ZNF662: variants seen among roughly 807,000 people sequenced by gnomAD.
ZNF662 encodes the protein zinc finger protein 662.
ZNF662 carries 14 observed loss-of-function variants against 12.4 expected under a neutral mutation model. The observed-to-expected ratio is 1.13, with a 90% CI of 0.75 to 1.77. The LOEUF is 1.77. Ranked by LOEUF, ZNF662 falls within the 40% of genes most tolerant of loss-of-function variation. The pLI is 0.00. For synonymous variants in ZNF662, 184 were observed against 176.4 expected, an observed-to-expected ratio of 1.04 and a Z score of -0.34; for missense variants, 550 against 515.6, an observed-to-expected ratio of 1.07 and a Z score of -0.65.
chr3:42,917,177 C>T lies in ZNF662; in HGVS notation c.*1823C>T, dbSNP rs1355784368. The T allele has an allele frequency of 6.3e-6, 2 of 317,524 alleles. No individual in the cohort carries two copies. Among genetic ancestry groups the T allele is most frequent in the African/African-American group, 4.3e-5 (2 of 46,876 alleles). 19.7% of individuals were successfully genotyped at this position (317,524 alleles called of 1,614,324 possible). ...TTCCCCTTCTCTCTGGGAACAGTTACCCGGGTATTCTTTGGGAAGCTATCC... is the reference window on the plus strand; with the variant it reads ...TTCCCCTTCTCTCTGGGAACAGTTATCCGGGTATTCTTTGGGAAGCTATCC... On this transcript the variant is annotated 3_prime_UTR_variant, in exon 5 of 5. Coordinates refer to ENST00000440367, the MANE Select transcript of ZNF662 (RefSeq NM_207404.4).
Position 42,917,765 on chromosome 3 carries a change from GCTT to G in ZNF662, c.*2414_*2416del, listed in dbSNP as rs2088909343. On this transcript the variant is annotated 3_prime_UTR_variant, in exon 5 of 5. Coordinates refer to ENST00000440367, the MANE Select transcript of ZNF662 (RefSeq NM_207404.4). Reference sequence around the variant, plus strand: ...TTCCTCTTGCTCAGTAGTCTCATAAGCTTCTCAGTTTTATCTCATCTCAGTTGC... The same window carrying G: ...TTCCTCTTGCTCAGTAGTCTCATAAGCTCAGTTTTATCTCATCTCAGTTGC... 1.7e-6 allele frequency: 1 copy of G among 587,424 alleles called. No homozygotes were observed. The highest frequency in any genetic ancestry group is 1.9e-5 in the African/African-American group (1 of 52,804). 36.4% of individuals were successfully genotyped at this position (587,424 alleles called of 1,614,324 possible).
rs1007644434 is a variant in ZNF662, at chr3:42,907,800, G to C, written c.-93-222G>C. ...AGACTCATGAAAAAGAGGAGAAAAT[G>C]TTTGCTGAAATAAAGATGAAGAGAC... On this transcript the variant is annotated intron_variant, in intron 1 of 4. Coordinates refer to ENST00000440367, the MANE Select transcript of ZNF662 (RefSeq NM_207404.4). 5 of 985,284 alleles carry C rather than the reference G, an allele frequency of 5.1e-6. No homozygotes were observed. The African/African-American group carries it at 5.2e-5, about 10-fold the overall frequency. 61.0% of individuals were successfully genotyped at this position (985,284 alleles called of 1,614,324 possible).
chr3:42,915,735 TCTGA>T lies in ZNF662; in HGVS notation c.*385_*388del, dbSNP rs1243493925. On this transcript the variant is annotated 3_prime_UTR_variant, in exon 5 of 5. Transcript: ENST00000440367. ...AGAGTTGAAATTGGAGCCAGGCCTA[TCTGA>T]CTGCAGAGTTTACTGTTCTTTACTT... 5.7e-6 allele frequency: 1 copy of T among 176,876 alleles called. No individual in the cohort carries two copies. Among genetic ancestry groups the T allele is most frequent in the African/African-American group, 2.4e-5 (1 of 42,122 alleles). 11.0% of individuals were successfully genotyped at this position (176,876 alleles called of 1,614,324 possible).
intron 3 of ZNF662, among the ~76,000 whole-genome samples, chr3:42,909,814 T>G (rs2088752463): frequency 7.0e-6 from 1 of 143,744 alleles, no homozygotes. Flanking sequence ...GCAGAGACAC[T>G]CCTCAGTTCC....
At chr3:42,914,120 T>C (rs2088866042) in intron 4 of ZNF662, among the ~76,000 whole-genome samples, 1 of 149,514 alleles carries the variant, frequency 6.7e-6, no homozygotes. Context: ...CCAGGAATCA[T>C]AGCCCGCAGG....
rs746227182 is a variant in ZNF662, at chr3:42,914,722, GAGA to G, written c.652_654del (p.Lys218del). 1 of 1,614,212 alleles carries G rather than the reference GAGA, an allele frequency of 6.2e-7. No homozygotes were observed. Among genetic ancestry groups the G allele is most frequent in the Non-Finnish European group, 8.5e-7 (1 of 1,180,048 alleles). The stretch of plus-strand genomic sequence containing the variant: ...TCAACACCAGAAAACTCATAATGGA[GAGA>G]AGGTCTATGGATGTAAGGAATGTGG... On this transcript the variant is annotated inframe_deletion, in exon 5 of 5. Coordinates refer to ENST00000440367, the MANE Select transcript of ZNF662 (RefSeq NM_207404.4).
rs531990858 is a variant in ZNF662 at position 42,906,149 on chromosome 3, C to G, written c.-113C>G. The G allele has an allele frequency of 3.9e-4, 208 of 527,666 alleles. 1 individual carries two copies. The South Asian group carries it at 4.2e-3, about 11-fold the overall frequency. 32.7% of individuals were successfully genotyped at this position (527,666 alleles called of 1,614,324 possible). ...CGGAGCGGCCCGAGCCCCGGCCTCC[C>G]GGATGCTGGGGCCTGGCGGGTGTGG... On this transcript the variant is annotated 5_prime_UTR_variant, in exon 1 of 5. Coordinates refer to ENST00000440367, the MANE Select transcript of ZNF662 (RefSeq NM_207404.4). The surrounding 1 kb of genome is among the most constrained non-coding windows in gnomAD (Gnocchi z 4.4).
At chr3:42,907,980 T>C (rs1244671805) in intron 1 of ZNF662, 42 bp from the exon 2 acceptor site, 2 of 1,611,022 alleles carry the variant, frequency 1.2e-6, no homozygotes, top group Admixed American at 1.7e-5. Flanking sequence ...CTTGGCCTGG[T>C]CCTGGGGTTG....
At position 42,917,717 on chromosome 3, in the gene ZNF662, A is replaced by C. The variant is rs1216447435; in HGVS notation, c.*2363A>C. On this transcript the variant is annotated 3_prime_UTR_variant, in exon 5 of 5. Coordinates refer to ENST00000440367, the MANE Select transcript of ZNF662 (RefSeq NM_207404.4). ...TTGTGTTTGAAATCACTGTTTTCTC[A>C]TACAGCTCCTCAGTGTCACCTTTTC... The C allele has an allele frequency of 1.3e-5, 8 of 613,618 alleles. No homozygotes were observed. Among genetic ancestry groups the C allele is most frequent in the Non-Finnish European group, 2.3e-5 (8 of 346,398 alleles). The allele number at this position is 613,618 out of a possible 1,614,324, so 38.0% of individuals were successfully genotyped here.
At chr3:42,911,683 G>A (rs2088792972) in intron 3 of ZNF662, among the ~76,000 whole-genome samples, 1 of 151,972 alleles carries the variant, frequency 6.6e-6, no homozygotes, top group Non-Finnish European at 1.5e-5. Context: ...TTCTTAGGAG[G>A]TTTTGGATGA....
chr3:42,912,577 TTA>T (rs1436051634), intron 3 of ZNF662, among the ~76,000 whole-genome samples: 3 of 9,876 alleles, frequency 3.0e-4, no homozygotes, highest in African/African-American at 4.3e-4. Context: ...AATACATATT[TTA>T]TATATAAATA....
intron 1 of ZNF662, chr3:42,907,715 G>A (rs1461043333): frequency 1.0e-6 from 1 of 985,330 alleles, no homozygotes; most frequent in Non-Finnish European, 1.2e-6. Context: ...GTGGAGAGAG[G>A]ATGGGACCTA....
intron 3 of ZNF662, among the ~76,000 whole-genome samples, chr3:42,909,218 C>T (rs951002592): frequency 3.3e-5 from 5 of 152,242 alleles, no homozygotes; most frequent in Non-Finnish European, 5.9e-5. Context: ...TGCCGCCTTC[C>T]GTAGTGTTTG....
chr3:42,909,727 G>A (rs957259254), intron 3 of ZNF662, among the ~76,000 whole-genome samples: 4 of 152,042 alleles, frequency 2.6e-5, no homozygotes, highest in Non-Finnish European at 2.9e-5. Context: ...GGCTGGCCGG[G>A]CGGAGGAGCT....
chr3:42,908,513 AAG>A (rs1456020285), intron 2 of ZNF662: 15 of 1,263,334 alleles, frequency 1.2e-5, no homozygotes, highest in Non-Finnish European at 1.3e-5. Flanking sequence ...TGAGAGCTCT[AAG>A]AGGGAGAGGA....
Position 42,915,044 on chromosome 3 carries a change from GA to G in ZNF662, c.973del (p.Met325CysfsTer79), listed in dbSNP as rs1181855491. ...AACCCAGCCCTTCTTCGACATCAGAGAATGCACACTGGGGAGAAGCCTTACG... is the reference window on the plus strand; with the variant it reads ...AACCCAGCCCTTCTTCGACATCAGAGATGCACACTGGGGAGAAGCCTTACG... ...TRNPALLRHQ[R>X]MHTGEKPYEC... On this transcript the variant is annotated frameshift_variant, in exon 5 of 5. Transcript: ENST00000440367. LOFTEE classifies it low-confidence loss of function (END_TRUNC). 4.3e-6 allele frequency: 7 copies of G among 1,613,908 alleles called. No homozygotes were observed. Among genetic ancestry groups the G allele is most frequent in the Non-Finnish European group, 5.1e-6 (6 of 1,180,034 alleles).
intron 3 of ZNF662, among the ~76,000 whole-genome samples, chr3:42,910,690 T>A (rs142451228): frequency 1.3e-5 from 2 of 152,216 alleles, no homozygotes; most frequent in Admixed American, 6.5e-5. Flanking sequence ...TTTCTTACTC[T>A]TAGTTTCCTA....
Position 42,914,652 on chromosome 3 carries a change from A to G in ZNF662, c.579A>G (p.Ile193Met), listed in dbSNP as rs761278806. ...TTCTAAATGAGCAAATATTCTATAT[A>G]TGTGAGGAATGCGGCAAGTGTTTTG... The part of the protein sequence containing the change: ...HKILNEQIFY[I>M]CEECGKCFDQ... Residue 193 changes from isoleucine (I) to methionine (M), a missense_variant, in exon 5 of 5, where the codon ATA becomes ATG. Coordinates refer to ENST00000440367, the MANE Select transcript of ZNF662 (RefSeq NM_207404.4). 40 of 1,614,098 alleles carry G rather than the reference A, an allele frequency of 2.5e-5. No homozygotes were observed. Among genetic ancestry groups the G allele is most frequent in the Middle Eastern group, 3.3e-4 (2 of 6,084 alleles).
rs894906162 is a variant in ZNF662 at position 42,918,745 on chromosome 3, G to A, written c.*3391G>A. On this transcript the variant is annotated 3_prime_UTR_variant, in exon 5 of 5. Transcript: ENST00000440367. The stretch of plus-strand genomic sequence containing the variant: ...GATCTCCCTCAGAGGCCTATCTAAG[G>A]GTCCCTGGTAAAAGGTGGCCATCAT... 2.6e-5 allele frequency among the ~76,000 whole-genome samples: 4 copies of A among 152,098 alleles called. No homozygotes were observed. The highest frequency in any genetic ancestry group is 2.6e-4 in the Admixed American group (4 of 15,258).
Sources: allele counts gnomAD v4.1 joint callset (sites outside exome capture counted in the v4.1 genomes callset), GRCh38; gene constraint gnomAD v4.1.1; non-coding constraint Gnocchi (gnomAD v3.1); transcripts MANE v1.5; gene names NCBI Gene and HGNC (gene_info 2026-07-23, HGNC 2026-07-21).